The following NEK7 variants were observed in gnomAD, a reference collection of about 807,000 sequenced individuals.
NEK7 encodes the protein NIMA related kinase 7, also known as serine/threonine-protein kinase Nek7.
Under a neutral mutation model 44.6 loss-of-function variants are expected in NEK7, and 18 were observed. That is an observed-to-expected ratio of 0.40 (90% CI 0.28 to 0.60). The LOEUF is 0.60. NEK7 is among the 20% of genes least tolerant of loss of function. The pLI is 0.38. For missense variants in NEK7, 256 were observed against 366.5 expected, an observed-to-expected ratio of 0.70 and a Z score of 2.46; for synonymous variants, 130 against 121.1, an observed-to-expected ratio of 1.07 and a Z score of -0.48.
chr1:198,220,914 T>C (rs1372401333), intron 1 of NEK7: 2 of 152,096 alleles, frequency 1.3e-5, no homozygotes, highest in Non-Finnish European at 2.9e-5. Flanking sequence ...ATTAATATTC[T>C]CAGAATATTT....
Position 198,229,986 on chromosome 1 carries a change from C to T in NEK7, c.-28-2567C>T, listed in dbSNP as rs143941717. On this transcript the variant is annotated intron_variant, in intron 1 of 9. Transcript: ENST00000367385. ...CTCAAAATGTCTTCTTTGGATCAGT[C>T]AGACTGTGGGATATTTTAAAATGTC... Among the ~76,000 whole-genome samples the T allele has an allele frequency of 2.7e-3, 414 of 152,222 alleles. 2 individuals carry two copies. The highest frequency in any genetic ancestry group is 7.0e-3 in the African/African-American group (292 of 41,534).
chr1:198,287,176 T>G (rs1462234666), intron 7 of NEK7, among the ~76,000 whole-genome samples: 1 of 152,142 alleles, frequency 6.6e-6, no homozygotes, highest in African/African-American at 2.4e-5. Flanking sequence ...TAGGTGAAAT[T>G]GTTTAAAAGC....
At chr1:198,315,997 G>A (rs1162651002) in intron 9 of NEK7, among the ~76,000 whole-genome samples, 1 of 152,146 alleles carries the variant, frequency 6.6e-6, no homozygotes, top group Non-Finnish European at 1.5e-5. Context: ...AGTGAAACAG[G>A]AAAAGAGTTA....
rs535283155 is a variant in NEK7 at position 198,274,058 on chromosome 1, C to G, written c.373-3903C>G. Among the ~76,000 whole-genome samples, 3 of 151,054 alleles carry G rather than the reference C, an allele frequency of 2.0e-5. No homozygotes were observed. The Admixed American group carries it at 2.0e-4, about 10-fold the overall frequency. ...GTTAGTGGCACATTTAAACATTTGA[C>G]AACACTCCAAGCAGGAAATGCTTCC... On this transcript the variant is annotated intron_variant, in intron 5 of 9. Transcript: ENST00000367385.
chr1:198,319,530 A>G lies in NEK7; in HGVS notation c.*8A>G, dbSNP rs1265512972. On this transcript the variant is annotated 3_prime_UTR_variant, in exon 10 of 10. Coordinates refer to ENST00000367385, the MANE Select transcript of NEK7 (RefSeq NM_133494.3). ...TGCACTGCAAGCAGCTAAACATGCA[A>G]GATCATGAAGAGTGTAACCAAAGTA... is the stretch of plus-strand genomic sequence containing the variant. 2 of 1,602,154 alleles carry G rather than the reference A, an allele frequency of 1.2e-6. No homozygotes were observed. Among genetic ancestry groups the G allele is most frequent in the African/African-American group, 1.3e-5 (1 of 74,552 alleles).
intron 7 of NEK7, among the ~76,000 whole-genome samples, chr1:198,285,667 T>A (rs1274354393): frequency 6.6e-6 from 1 of 151,950 alleles, no homozygotes; most frequent in Non-Finnish European, 1.5e-5. Flanking sequence ...CCAAAACAGA[T>A]CTCATGGCAA....
At chr1:198,277,874 T>G (rs1654063005) in intron 5 of NEK7, 87 bp from the exon 6 acceptor site, 2 of 712,438 alleles carry the variant, frequency 2.8e-6, no homozygotes, top group African/African-American at 3.6e-5. Flanking sequence ...AAATTAGCTG[T>G]TTTTCTGACT....
chr1:198,161,213 T>A (rs930620959), intron 1 of NEK7, among the ~76,000 whole-genome samples: 1 of 152,186 alleles, frequency 6.6e-6, no homozygotes, highest in African/African-American at 2.4e-5. Flanking sequence ...TTTTTGTAAA[T>A]CTTATTAGTA....
intron 9 of NEK7, among the ~76,000 whole-genome samples, chr1:198,317,291 G>A (rs965029956): frequency 6.6e-5 from 10 of 152,236 alleles, no homozygotes; most frequent in Admixed American, 3.9e-4. Context: ...GGCTCTGCCT[G>A]TCGCAAGGTC....
At chr1:198,233,220 C>T (rs909605519) in intron 2 of NEK7, among the ~76,000 whole-genome samples, 1 of 152,046 alleles carries the variant, frequency 6.6e-6, no homozygotes, top group African/African-American at 2.4e-5. Flanking sequence ...TTTTCTCTCC[C>T]TATCACTTGT....
At chr1:198,313,103 C>T (rs1357095526) in intron 9 of NEK7, among the ~76,000 whole-genome samples, 2 of 152,044 alleles carry the variant, frequency 1.3e-5, no homozygotes, top group Non-Finnish European at 2.9e-5. Flanking sequence ...TCAGGAGTTG[C>T]TTTATGAATC....
chr1:198,311,946 G>A (rs1655200682), intron 9 of NEK7, among the ~76,000 whole-genome samples: 1 of 152,158 alleles, frequency 6.6e-6, no homozygotes, highest in South Asian at 2.1e-4. Context: ...GATGATGCTG[G>A]CCTCATAAAA....
chr1:198,276,404 C>G (rs1654019918), intron 5 of NEK7, among the ~76,000 whole-genome samples: 1 of 151,632 alleles, frequency 6.6e-6, no homozygotes, highest in African/African-American at 2.4e-5. Context: ...CTCTGATATG[C>G]TAATCCAGCA....
chr1:198,320,237 A>ATTTG lies in NEK7; in HGVS notation c.*719_*722dup, dbSNP rs1655495641. Reference sequence around the variant, plus strand: ...GAATCCATTTAAAAAGTGGTTAAGGATTTGTTTAGCTGGTGTGATAATAAT... The same window carrying ATTTG: ...GAATCCATTTAAAAAGTGGTTAAGGATTTGTTTGTTTAGCTGGTGTGATAATAAT... On this transcript the variant is annotated 3_prime_UTR_variant, in exon 10 of 10. Coordinates refer to ENST00000367385, the MANE Select transcript of NEK7 (RefSeq NM_133494.3). 1 of 152,088 alleles carries ATTTG rather than the reference A, an allele frequency of 6.6e-6. No homozygotes were observed. The highest frequency in any genetic ancestry group is 6.6e-5 in the Admixed American group (1 of 15,262). The allele number at this position is 152,088 out of a possible 1,614,324, so 9.4% of individuals were successfully genotyped here.
chr1:198,165,179 A>G (rs993725380), intron 1 of NEK7, among the ~76,000 whole-genome samples: 7 of 152,166 alleles, frequency 4.6e-5, no homozygotes, highest in African/African-American at 1.4e-4. Flanking sequence ...GACTCCCTCA[A>G]AGTCGTCCAT....
intron 2 of NEK7, among the ~76,000 whole-genome samples, chr1:198,233,677 C>T (rs1209447501): frequency 6.6e-6 from 1 of 151,044 alleles, no homozygotes; most frequent in African/African-American, 2.4e-5. Context: ...CACTAGTGTG[C>T]ATTGTGAATG....
At chr1:198,210,066 A>G (rs7521715) in intron 1 of NEK7, among the ~76,000 whole-genome samples, 4,195 of 152,172 alleles carry the variant, frequency 0.028, 186 homozygotes, top group African/African-American at 0.095. Context: ...CCAAGGTGCT[A>G]GGATTACAGG....
chr1:198,182,671 CTTTGT>C (rs895812743), intron 1 of NEK7, among the ~76,000 whole-genome samples: 2 of 152,090 alleles, frequency 1.3e-5, no homozygotes, highest in Admixed American at 1.3e-4. Context: ...ACTCTTTGTT[CTTTGT>C]TTTATTACGT....
intron 2 of NEK7, among the ~76,000 whole-genome samples, chr1:198,249,457 A>G (rs946167981): frequency 6.6e-6 from 1 of 151,852 alleles, no homozygotes; most frequent in African/African-American, 2.4e-5. Context: ...ATCCCTGAGG[A>G]ATCGCCACAC....
Sources: gnomAD v4.1 joint callset for allele counts (sites outside exome capture counted in the v4.1 genomes callset) on GRCh38, gnomAD v4.1.1 for gene constraint, MANE v1.5 for transcripts, NCBI Gene and HGNC (gene_info 2026-07-23, HGNC 2026-07-21) for gene names.